Variants in MAP3K2 observed in about 807,000 individuals in gnomAD.
MAP3K2 encodes the protein mitogen-activated protein kinase kinase kinase 2.
A neutral mutation model predicts 80.3 loss-of-function variants in MAP3K2; 24 were observed. That is an observed-to-expected ratio of 0.30 (90% CI 0.22 to 0.42). The LOEUF (loss-of-function observed/expected upper bound fraction) is 0.42. Among genes scored for constraint, MAP3K2 ranks in the 10% least tolerant of loss-of-function variants. MAP3K2 has a pLI of 1.00. For synonymous variants in MAP3K2, 244 were observed against 253.7 expected (o/e 0.96, Z 0.36); for missense variants, 608 against 750.1 (o/e 0.81, Z 2.21).
At chr2:127,372,327 G>A (rs1217060333) in intron 1 of MAP3K2, among the ~76,000 whole-genome samples, 1 of 152,118 alleles carries the variant, frequency 6.6e-6, no homozygotes, top group African/African-American at 2.4e-5. Context: ...GGAAAGGGAC[G>A]TTTTGGAAGC....
Position 127,337,749 on chromosome 2 carries a change from T to C in MAP3K2, c.153A>G (p.Arg51=). 1 of 1,525,574 alleles carries C rather than the reference T, an allele frequency of 6.6e-7. No homozygotes were observed. The highest frequency in any genetic ancestry group is 8.9e-7 in the Non-Finnish European group (1 of 1,123,930). The allele number at this position is 1,525,574 out of a possible 1,614,324, so 94.5% of individuals were successfully genotyped here. Residue 51 remains arginine (R), a synonymous_variant, in exon 4 of 17, where the codon AGA becomes AGG. Coordinates refer to ENST00000682094, the MANE Select transcript of MAP3K2 (RefSeq NM_001371910.2). ...QNDVRVKFEH[R]GEKRILQFPR... is the part of the protein sequence containing the mutation. ...GTTTCCTTCCTTACCTTTTTTCTCC[T>C]CTATGTTCAAATTTGACTCGGACAT...
chr2:127,380,058 G>C (rs1687219929), intron 1 of MAP3K2, among the ~76,000 whole-genome samples: 1 of 152,218 alleles, frequency 6.6e-6, no homozygotes, highest in Non-Finnish European at 1.5e-5. Flanking sequence ...AACTCAACCA[G>C]TAAATTCAAA....
intron 1 of MAP3K2, 48 bp from the exon 2 acceptor site, chr2:127,343,242 G>T: frequency 1.3e-6 from 1 of 746,398 alleles, no homozygotes; most frequent in Admixed American, 3.0e-5. Flanking sequence ...AAACAGAAAA[G>T]GAGCCAGGAA....
intron 5 of MAP3K2, among the ~76,000 whole-genome samples, chr2:127,334,717 A>G (rs1686330644): frequency 6.7e-6 from 1 of 150,294 alleles, no homozygotes; most frequent in South Asian, 2.1e-4. Flanking sequence ...ATGTGCTGGG[A>G]TTATAGGCAT....
chr2:127,315,378 C>T (rs1254909351), intron 14 of MAP3K2, among the ~76,000 whole-genome samples: 1 of 152,188 alleles, frequency 6.6e-6, no homozygotes, highest in Non-Finnish European at 1.5e-5. Flanking sequence ...CAGGAAAATA[C>T]ATCCAAATGT....
Position 127,301,974 on chromosome 2 carries a change from GCCAA to G in MAP3K2, c.*5601_*5604del, listed in dbSNP as rs1573972194. On this transcript the variant is annotated 3_prime_UTR_variant, in exon 17 of 17. Coordinates refer to ENST00000682094, the MANE Select transcript of MAP3K2 (RefSeq NM_001371910.2). ...AAACCATGGCAGAAGTCAAAGCCAA[GCCAA>G]AGACAACTATAAGTAGGAATAGCTG... is the stretch of plus-strand genomic sequence containing the variant. 3 of 152,266 alleles carry G rather than the reference GCCAA, an allele frequency of 2.0e-5. No homozygotes were observed. The East Asian group carries it at 5.8e-4, about 29-fold the overall frequency. The allele number at this position is 152,266 out of a possible 1,614,324, so 9.4% of individuals were successfully genotyped here.
chr2:127,345,381 C>A (rs1490693537), intron 1 of MAP3K2, among the ~76,000 whole-genome samples: 1 of 151,912 alleles, frequency 6.6e-6, no homozygotes, highest in African/African-American at 2.4e-5. Flanking sequence ...ATACACAATG[C>A]AAAAAAGTAT....
chr2:127,313,726 G>GT (rs1490760747), intron 15 of MAP3K2, among the ~76,000 whole-genome samples: 1 of 152,168 alleles, frequency 6.6e-6, no homozygotes, highest in Non-Finnish European at 1.5e-5. Flanking sequence ...ATCATAGAGT[G>GT]TATTTACACA....
At chr2:127,374,598 T>C (rs1687118664) in intron 1 of MAP3K2, among the ~76,000 whole-genome samples, 1 of 152,212 alleles carries the variant, frequency 6.6e-6, no homozygotes, top group South Asian at 2.1e-4. Flanking sequence ...CTAATCAGTT[T>C]TGGCAAACAG....
At chr2:127,314,642 G>T in intron 15 of MAP3K2, 112 bp downstream of exon 15, 3 of 838,564 alleles carry the variant, frequency 3.6e-6, no homozygotes, top group Non-Finnish European at 3.7e-6. Context: ...CTGTTTCCCT[G>T]TAGTATTTCA....
In MAP3K2 at chr2:127,300,190, C is replaced by CA. The variant is rs1464255051; in HGVS notation, c.*7388dup. The CA allele has an allele frequency of 6.6e-6, 1 of 152,118 alleles. No homozygotes were observed. The highest frequency in any genetic ancestry group is 1.5e-5 in the Non-Finnish European group (1 of 67,972). The allele number at this position is 152,118 out of a possible 1,614,324, so 9.4% of individuals were successfully genotyped here. ...TGAAAGAAGTTAAAACATAAAGACA[C>CA]AGACAGTAGTTCAATGCACGCATTC... On this transcript the variant is annotated 3_prime_UTR_variant, in exon 17 of 17. Coordinates refer to ENST00000682094, the MANE Select transcript of MAP3K2 (RefSeq NM_001371910.2).
rs1022005508 is a variant in MAP3K2 at position 127,301,062 on chromosome 2, T to C, written c.*6517A>G. The C allele has an allele frequency of 8.5e-5, 13 of 152,228 alleles. No individual in the cohort carries two copies. Among genetic ancestry groups the C allele is most frequent in the Non-Finnish European group, 4.4e-5 (3 of 68,042 alleles). 9.4% of individuals were successfully genotyped at this position (152,228 alleles called of 1,614,324 possible). A position where few individuals can be genotyped will look rare whatever the true frequency, so the allele number is the denominator to read the frequency against. ...GGTCATGAACTTTACTGTTCTCAAC[T>C]GCATTAAGGGATTCTCAACTGCATT... is the stretch of plus-strand genomic sequence containing the variant. On this transcript the variant is annotated 3_prime_UTR_variant, in exon 17 of 17. Coordinates refer to ENST00000682094, the MANE Select transcript of MAP3K2 (RefSeq NM_001371910.2).
intron 1 of MAP3K2, among the ~76,000 whole-genome samples, chr2:127,353,344 G>A (rs867793935): frequency 2.0e-5 from 3 of 150,260 alleles, no homozygotes; most frequent in Non-Finnish European, 3.0e-5. Context: ...GCCTCCGCCC[G>A]GCCGTGACCC....
chr2:127,343,175 C>A lies in MAP3K2; in HGVS notation c.-46G>T. The A allele has an allele frequency of 6.6e-7, 1 of 1,511,796 alleles. No individual in the cohort carries two copies. The highest frequency in any genetic ancestry group is 1.4e-5 in the African/African-American group (1 of 72,408). The allele number at this position is 1,511,796 out of a possible 1,614,324, so 93.6% of individuals were successfully genotyped here. On this transcript the variant is annotated 5_prime_UTR_variant, in exon 2 of 17. It introduces an in-frame stop codon into an upstream open reading frame of the 5' UTR. Transcript: ENST00000682094. ...TTTGAAAATTAGGAAAATGGTTCTCCCATCAGCATTCTTTATGGCCTGAGA... is the reference window on the plus strand; with the variant it reads ...TTTGAAAATTAGGAAAATGGTTCTCACATCAGCATTCTTTATGGCCTGAGA...
chr2:127,334,873 C>T (rs753033961), intron 5 of MAP3K2, among the ~76,000 whole-genome samples: 3 of 150,962 alleles, frequency 2.0e-5, no homozygotes, highest in East Asian at 3.9e-4. Context: ...CGGGTTCAAG[C>T]GATTCTCCTA....
At chr2:127,360,800 C>T (rs892582472) in intron 1 of MAP3K2, among the ~76,000 whole-genome samples, 1 of 152,040 alleles carries the variant, frequency 6.6e-6, no homozygotes, top group Non-Finnish European at 1.5e-5. Context: ...AAAATGAAGT[C>T]AAATCTGTCG....
At chr2:127,366,526 A>G (rs1574004030) in intron 1 of MAP3K2, among the ~76,000 whole-genome samples, 1 of 152,272 alleles carries the variant, frequency 6.6e-6, no homozygotes, top group South Asian at 2.1e-4. Flanking sequence ...CGTGATGTAT[A>G]GTTTGTCCCA....
intron 1 of MAP3K2, among the ~76,000 whole-genome samples, chr2:127,360,288 C>A (rs1184692578): frequency 6.6e-6 from 1 of 151,600 alleles, no homozygotes; most frequent in Non-Finnish European, 1.5e-5. Flanking sequence ...ACAGTACACA[C>A]ATACACTGCA....
At chr2:127,337,433 A>AT (rs200564362) in intron 4 of MAP3K2, among the ~76,000 whole-genome samples, 4,758 of 152,322 alleles carry the variant, frequency 0.031, 92 homozygotes, top group Non-Finnish European at 0.049. Context: ...TATAAGGAAA[A>AT]ATATATTTAA....
Sources: allele counts gnomAD v4.1 joint callset (sites outside exome capture counted in the v4.1 genomes callset), GRCh38; gene constraint gnomAD v4.1.1; transcripts MANE v1.5; gene names NCBI Gene and HGNC (gene_info 2026-07-23, HGNC 2026-07-21).